The following PCSK5 variants were observed in gnomAD, a reference collection of about 807,000 sequenced individuals.
The protein encoded by PCSK5 is proprotein convertase subtilisin/kexin type 5.
PCSK5 carries 129 observed loss-of-function variants against 233.2 expected under a neutral mutation model. The observed-to-expected ratio is 0.55, with a 90% confidence interval of 0.48 to 0.64. The LOEUF (loss-of-function observed/expected upper bound fraction) is 0.64. PCSK5 is among the 30% of genes least tolerant of loss of function. The pLI, the probability that PCSK5 is intolerant of heterozygous loss-of-function variation, is 0.00. For missense variants in PCSK5, 2,076 were observed against 2,430.1 expected, an observed-to-expected ratio of 0.85 and a Z score of 3.06; for synonymous variants, 825 against 879.2, an observed-to-expected ratio of 0.94 and a Z score of 1.09.
At chr9:76,211,678 A>G (rs1013637794) in intron 20 of PCSK5, among the ~76,000 whole-genome samples, 3 of 152,200 alleles carry the variant, frequency 2.0e-5, no homozygotes, top group Non-Finnish European at 4.4e-5. Flanking sequence ...GGGAAATGCT[A>G]TGTCTACAAA....
At chr9:76,225,843 C>T (rs1009137789) in intron 20 of PCSK5, among the ~76,000 whole-genome samples, 22 of 152,184 alleles carry the variant, frequency 1.4e-4, no homozygotes, top group Admixed American at 6.5e-4. Flanking sequence ...CAGAGGCAGG[C>T]GCAGCCTACA....
intron 9 of PCSK5, among the ~76,000 whole-genome samples, chr9:76,110,968 G>A (rs774440998): frequency 1.2e-4 from 19 of 152,034 alleles, no homozygotes; most frequent in Non-Finnish European, 2.2e-4. Flanking sequence ...TTAGCCAGGC[G>A]TGGTAGCATG....
Position 75,925,280 on chromosome 9 carries a change from T to G in PCSK5, c.193-7099T>G, listed in dbSNP as rs568076538. ...AGCATAGAGCCTATGTTACATTATA[T>G]GTCAGTGATTTACCCAAAAAGGGCT... On this transcript the variant is annotated intron_variant, in intron 1 of 37. Coordinates refer to ENST00000674117, the MANE Select transcript of PCSK5 (RefSeq NM_001372043.1). 1.2e-4 allele frequency among the ~76,000 whole-genome samples: 18 copies of G among 152,324 alleles called. No homozygotes were observed. In the South Asian group the frequency reaches 3.7e-3, roughly 32 times the overall value.
intron 1 of PCSK5, among the ~76,000 whole-genome samples, chr9:75,925,779 T>C (rs1006299643): frequency 6.6e-6 from 1 of 152,228 alleles, no homozygotes; most frequent in Non-Finnish European, 1.5e-5. Flanking sequence ...TGGATTCTCC[T>C]TTGAATGTTA....
chr9:76,361,231 G>A lies in PCSK5; in HGVS notation c.*2309G>A, dbSNP rs775367282. The A allele has an allele frequency of 2.0e-5, 3 of 152,146 alleles. No individual in the cohort carries two copies. Among genetic ancestry groups the A allele is most frequent in the East Asian group, 1.9e-4 (1 of 5,200 alleles). The allele number at this position is 152,146 out of a possible 1,614,324, so 9.4% of individuals were successfully genotyped here. ...ATGTTGGTGCACACCTGTAATCCCA[G>A]CTACTCAGGAGGCTGAGGCAGGCAA... is the stretch of plus-strand genomic sequence containing the variant. On this transcript the variant is annotated 3_prime_UTR_variant, in exon 38 of 38. Coordinates refer to ENST00000674117, the MANE Select transcript of PCSK5 (RefSeq NM_001372043.1).
At chr9:76,299,599 G>A (rs1828543904) in intron 27 of PCSK5, among the ~76,000 whole-genome samples, 1 of 152,164 alleles carries the variant, frequency 6.6e-6, no homozygotes, top group Non-Finnish European at 1.5e-5. Flanking sequence ...TTGAACCCAG[G>A]AGGCAGAGGT....
chr9:76,038,221 C>T (rs1298804141), intron 5 of PCSK5, among the ~76,000 whole-genome samples: 3 of 152,168 alleles, frequency 2.0e-5, no homozygotes, highest in African/African-American at 7.2e-5. Context: ...CCTTCCGCCC[C>T]GACAAGTATC....
intron 1 of PCSK5, among the ~76,000 whole-genome samples, chr9:75,922,515 A>ACC (rs976348029): frequency 4.6e-5 from 7 of 152,124 alleles, no homozygotes; most frequent in Admixed American, 3.9e-4. Flanking sequence ...AACAGGGAAG[A>ACC]CCCAGTAGGG....
Position 76,295,387 on chromosome 9 carries a change from T to C in PCSK5, c.3298T>C (p.Cys1100Arg). 6.2e-7 allele frequency: 1 copy of C among 1,612,462 alleles called. No individual in the cohort carries two copies. Among genetic ancestry groups the C allele is most frequent in the Non-Finnish European group, 8.5e-7 (1 of 1,179,700 alleles). ...CTGTGACCAGAATGGGTGTTACTGG[T>C]GTGAAGAGGGCTTCTTTCTCTTAGG... ...GSCDQNGCYW[C>R]EEGFFLLGGS... Residue 1100 changes from cysteine (C) to arginine (R), a missense_variant, in exon 26 of 38, where the codon TGT becomes CGT. Cys to Arg is a radical substitution (Grantham distance 180). Coordinates refer to ENST00000674117, the MANE Select transcript of PCSK5 (RefSeq NM_001372043.1).
chr9:75,905,509 T>A (rs539272310), intron 1 of PCSK5, among the ~76,000 whole-genome samples: 12 of 152,324 alleles, frequency 7.9e-5, no homozygotes, highest in African/African-American at 2.9e-4. Flanking sequence ...AGCAAGACAC[T>A]GTCTCAAAAA....
chr9:75,957,285 G>T (rs910121877), intron 2 of PCSK5, among the ~76,000 whole-genome samples: 1 of 152,082 alleles, frequency 6.6e-6, no homozygotes, highest in Non-Finnish European at 1.5e-5. Context: ...TTCTACTCTT[G>T]GCTTCTCAGG....
At chr9:76,317,923 G>A (rs1466359370) in intron 30 of PCSK5, among the ~76,000 whole-genome samples, 1 of 152,182 alleles carries the variant, frequency 6.6e-6, no homozygotes, top group East Asian at 1.9e-4. Flanking sequence ...ACACACATGA[G>A]TGAGAGTAAA....
intron 18 of PCSK5, 89 bp from the exon 19 acceptor site, chr9:76,189,005 C>A: frequency 8.9e-7 from 1 of 1,122,650 alleles, no homozygotes; most frequent in Non-Finnish European, 1.3e-6. Flanking sequence ...TCTTTGACGC[C>A]ATTTTCTCAA....
intron 28 of PCSK5, among the ~76,000 whole-genome samples, chr9:76,307,826 A>G (rs1335025704): frequency 2.6e-5 from 4 of 152,118 alleles, no homozygotes; most frequent in African/African-American, 9.7e-5. Context: ...TCAAAGAACA[A>G]AAACAGAAAA....
Position 76,282,064 on chromosome 9 carries a change from C to CTTT in PCSK5, c.3143-10160_3143-10158dup, listed in dbSNP as rs570775997. Among the ~76,000 whole-genome samples the CTTT allele has an allele frequency of 2.7e-3, 226 of 83,154 alleles. 1 individual carries two copies. The highest frequency in any genetic ancestry group is 0.01 in the African/African-American group (221 of 21,762). The allele number at this position is 83,154 out of a possible 152,430, so 54.6% of individuals were successfully genotyped here. Reference sequence around the variant, plus strand: ...GAAAGGATGCACCATTTTTTTCTTTCTTTTTTTTTTTCCCCACTCTGTTGC... The same window carrying CTTT: ...GAAAGGATGCACCATTTTTTTCTTTCTTTTTTTTTTTTTTCCCCACTCTGTTGC... On this transcript the variant is annotated intron_variant, in intron 24 of 37. Transcript: ENST00000674117.
At chr9:76,342,615 T>C (rs1185746546) in intron 35 of PCSK5, among the ~76,000 whole-genome samples, 1 of 152,180 alleles carries the variant, frequency 6.6e-6, no homozygotes, top group African/African-American at 2.4e-5. Flanking sequence ...CATCTCCAAG[T>C]TTAAGGTGGC....
chr9:76,269,239 T>A (rs1827430825), intron 24 of PCSK5, among the ~76,000 whole-genome samples: 1 of 152,250 alleles, frequency 6.6e-6, no homozygotes. Flanking sequence ...CTGCAAAGTA[T>A]ATTCCAGTCC....
At chr9:75,988,238 A>G (rs1238198510) in intron 3 of PCSK5, among the ~76,000 whole-genome samples, 1 of 151,852 alleles carries the variant, frequency 6.6e-6, no homozygotes, top group Non-Finnish European at 1.5e-5. Flanking sequence ...AGCACTTACT[A>G]TGCACCAGGC....
intron 20 of PCSK5, among the ~76,000 whole-genome samples, chr9:76,214,333 T>C (rs1291902226): frequency 6.6e-6 from 1 of 151,954 alleles, no homozygotes; most frequent in Non-Finnish European, 1.5e-5. Flanking sequence ...CATATGTGTG[T>C]GTGCACGCAG....
Sources: allele counts gnomAD v4.1 joint callset (sites outside exome capture counted in the v4.1 genomes callset), GRCh38; gene constraint gnomAD v4.1.1; transcripts MANE v1.5; gene names NCBI Gene and HGNC (gene_info 2026-07-23, HGNC 2026-07-21).